Variants in NFIB observed in about 807,000 individuals in gnomAD.
NFIB encodes the protein nuclear factor 1 B-type.
Under a neutral mutation model 61.5 loss-of-function variants are expected in NFIB, and 11 were observed. The observed-to-expected ratio is 0.18, with a 90% CI of 0.11 to 0.30. The LOEUF (loss-of-function observed/expected upper bound fraction) is 0.30. NFIB is among the 10% of genes least tolerant of loss of function. The probability of loss-of-function intolerance (pLI) is 1.00; values close to 1 mark genes in which losing one functional copy is unlikely to be tolerated. For synonymous variants in NFIB, 260 were observed against 216.5 expected, an observed-to-expected ratio of 1.20 and a Z score of -1.76; for missense variants, 471 against 608.9, an observed-to-expected ratio of 0.77 and a Z score of 2.38.
At chr9:14,360,693 C>T (rs2061228536) in intron 1 of NFIB, among the ~76,000 whole-genome samples, 2 of 151,882 alleles carry the variant, frequency 1.3e-5, no homozygotes, top group African/African-American at 4.8e-5. Flanking sequence ...TACAGGCGCC[C>T]GCCAATACGC....
At chr9:14,478,820 G>T in the NFIB span, among the ~76,000 whole-genome samples, 8 of 152,128 alleles carry the variant, frequency 5.3e-5, no homozygotes, top group Non-Finnish European at 7.3e-5. Flanking sequence ...AGTGATTGCT[G>T]CAGGAAAAGC....
chr9:14,396,036 G>A (rs976755933), intron 1 of NFIB, among the ~76,000 whole-genome samples: 6 of 151,754 alleles, frequency 4.0e-5, no homozygotes, highest in African/African-American at 1.5e-4. Flanking sequence ...TATTAATTGG[G>A]CTTTCATTAT....
At chr9:14,170,273 A>G (rs1225035762) in intron 3 of NFIB, among the ~76,000 whole-genome samples, 1 of 152,188 alleles carries the variant, frequency 6.6e-6, no homozygotes, top group African/African-American at 2.4e-5. Context: ...GTATGTGGCA[A>G]AAGCAGATCT....
At chr9:14,501,678 T>C in the NFIB span, among the ~76,000 whole-genome samples, 1 of 152,222 alleles carries the variant, frequency 6.6e-6, no homozygotes, top group African/African-American at 2.4e-5. Flanking sequence ...TTGGACCATC[T>C]AGGCAGGATT....
At chr9:14,446,136 G>A in the NFIB span, among the ~76,000 whole-genome samples, 1 of 152,092 alleles carries the variant, frequency 6.6e-6, no homozygotes, top group Non-Finnish European at 1.5e-5. Flanking sequence ...TTGCTGTCTG[G>A]CTCCTTTTAA....
intron 7 of NFIB, among the ~76,000 whole-genome samples, chr9:14,124,327 T>G (rs1385645787): frequency 6.6e-6 from 1 of 152,180 alleles, no homozygotes; most frequent in African/African-American, 2.4e-5. Context: ...CAGTTACTGA[T>G]TTTTTCACCT....
intron 1 of NFIB, among the ~76,000 whole-genome samples, chr9:14,396,404 A>T (rs548678436): frequency 6.6e-6 from 1 of 152,294 alleles, no homozygotes; most frequent in East Asian, 1.9e-4. Flanking sequence ...TGTCCCAGGA[A>T]CTGTTGGCAC....
chr9:14,132,507 A>G (rs2040515324), intron 6 of NFIB, among the ~76,000 whole-genome samples: 1 of 152,096 alleles, frequency 6.6e-6, no homozygotes, highest in South Asian at 2.1e-4. Context: ...CTGCTAAACA[A>G]TTTACAGGAT....
intron 6 of NFIB, among the ~76,000 whole-genome samples, chr9:14,143,991 A>AGTGC (rs1554647268): frequency 7.5e-6 from 1 of 134,150 alleles, no homozygotes; most frequent in Non-Finnish European, 1.6e-5. Context: ...AAAGTGACAG[A>AGTGC]GTGTGTGTGT....
At chr9:14,458,529 G>A in the NFIB span, among the ~76,000 whole-genome samples, 1 of 152,140 alleles carries the variant, frequency 6.6e-6, no homozygotes, top group Non-Finnish European at 1.5e-5. Context: ...CAATCATGCA[G>A]GAGAAGGAAA....
chr9:14,150,063 C>A, intron 5 of NFIB, 82 bp downstream of exon 5: 1 of 1,565,816 alleles, frequency 6.4e-7, no homozygotes, highest in Non-Finnish European at 8.7e-7. Context: ...TCTTTACCTA[C>A]CTACCTATCT....
At chr9:14,466,292 T>C in the NFIB span, among the ~76,000 whole-genome samples, 5 of 152,170 alleles carry the variant, frequency 3.3e-5, no homozygotes, top group Admixed American at 6.5e-5. Flanking sequence ...TGCCAAGTGG[T>C]AGTATGCAGG....
In NFIB at chr9:14,258,790, A is replaced by G. The variant is rs540177793; in HGVS notation, c.562+48199T>C. ...GTCATTCCTTTTTAAAGCATGTTGCATAGAAACATTATAAAAACAAAATAC... is the reference window on the plus strand; with the variant it reads ...GTCATTCCTTTTTAAAGCATGTTGCGTAGAAACATTATAAAAACAAAATAC... On this transcript the variant is annotated intron_variant, in intron 2 of 10. Transcript: ENST00000380953. Among the ~76,000 whole-genome samples, 6 of 152,324 alleles carry G rather than the reference A, an allele frequency of 3.9e-5. No homozygotes were observed. The East Asian group carries it at 9.6e-4, about 24-fold the overall frequency.
chr9:14,409,424 C>T, the NFIB span, among the ~76,000 whole-genome samples: 11 of 152,244 alleles, frequency 7.2e-5, no homozygotes, highest in Admixed American at 5.9e-4. Flanking sequence ...AACAACCAGC[C>T]ACACGGCTGG....
At chr9:14,141,787 G>A (rs896723866) in intron 6 of NFIB, among the ~76,000 whole-genome samples, 8 of 150,852 alleles carry the variant, frequency 5.3e-5, no homozygotes, top group Admixed American at 2.0e-4. Context: ...TGGCTGAAAA[G>A]CTGTTCAAAT....
chr9:14,460,220 G>C, the NFIB span, among the ~76,000 whole-genome samples: 4 of 152,268 alleles, frequency 2.6e-5, no homozygotes, highest in South Asian at 2.1e-4. Context: ...CCTTTGTAGG[G>C]ACATGGATGA....
At chr9:14,471,915 C>A in the NFIB span, among the ~76,000 whole-genome samples, 1 of 152,202 alleles carries the variant, frequency 6.6e-6, no homozygotes, top group Non-Finnish European at 1.5e-5. Context: ...GGCATATAGT[C>A]CAGGTCTTAC....
intron 1 of NFIB, among the ~76,000 whole-genome samples, chr9:14,332,897 A>C (rs1012362176): frequency 3.9e-5 from 6 of 152,210 alleles, no homozygotes; most frequent in Non-Finnish European, 7.4e-5. Flanking sequence ...AGTCTGTTCA[A>C]TGAGGTCGGA....
intron 6 of NFIB, among the ~76,000 whole-genome samples, chr9:14,131,439 A>C (rs776281509): frequency 2.6e-5 from 4 of 152,202 alleles, no homozygotes; most frequent in Non-Finnish European, 5.9e-5. Flanking sequence ...CAAAGAGATA[A>C]GGACTTAAGC....
Sources: allele counts gnomAD v4.1 joint callset (sites outside exome capture counted in the v4.1 genomes callset), GRCh38; gene constraint gnomAD v4.1.1; transcripts MANE v1.5; gene names NCBI Gene and HGNC (gene_info 2026-07-23, HGNC 2026-07-21).